The following PTCHD4 variants were observed in gnomAD, a reference collection of about 807,000 sequenced individuals.
PTCHD4 encodes patched domain containing 4.
PTCHD4 carries 33 observed loss-of-function variants against 58.1 expected under a neutral mutation model. The observed-to-expected ratio is 0.57, with a 90% CI of 0.43 to 0.76. The LOEUF (loss-of-function observed/expected upper bound fraction) is 0.76. PTCHD4 is among the 30% of genes least tolerant of loss of function. The pLI is 0.00. For missense variants in PTCHD4, 1,058 were observed against 1,027.1 expected (o/e 1.03, Z -0.41); for synonymous variants, 478 against 409.6 (o/e 1.17, Z -2.02).
At chr6:48,005,599 T>C (rs571285111) in intron 4 of PTCHD4, among the ~76,000 whole-genome samples, 1 of 152,302 alleles carries the variant, frequency 6.6e-6, no homozygotes, top group African/African-American at 2.4e-5. Context: ...CTTTTATGTC[T>C]CACAGCTTTG....
intron 4 of PTCHD4, among the ~76,000 whole-genome samples, chr6:47,913,783 A>G (rs551291980): frequency 6.6e-6 from 1 of 152,276 alleles, no homozygotes; most frequent in African/African-American, 2.4e-5. Context: ...AGAATGCTGG[A>G]GGAGGCTGAT....
In PTCHD4 at chr6:48,069,305, G is replaced by A. The variant is rs1764926437; in HGVS notation, c.-348C>T. On this transcript the variant is annotated 5_prime_UTR_variant, in exon 2 of 5. Transcript: ENST00000339488. ...GAGTGAATTGAAGAGGAAATAAATGGTGAAGGTGCTGCTGGCCCATTGGAG... is the reference window on the plus strand; with the variant it reads ...GAGTGAATTGAAGAGGAAATAAATGATGAAGGTGCTGCTGGCCCATTGGAG... Among the ~76,000 whole-genome samples, 1 of 152,084 alleles carries A rather than the reference G, an allele frequency of 6.6e-6. No individual in the cohort carries two copies. The highest frequency in any genetic ancestry group is 2.4e-5 in the African/African-American group (1 of 41,410).
chr6:47,943,930 A>C (rs964764261), intron 4 of PTCHD4, among the ~76,000 whole-genome samples: 5 of 152,010 alleles, frequency 3.3e-5, no homozygotes, highest in Non-Finnish European at 7.4e-5. Context: ...TTTTCTATAA[A>C]TTTCTTTTTA....
chr6:48,000,681 C>T (rs933306676), intron 4 of PTCHD4, among the ~76,000 whole-genome samples: 6 of 152,110 alleles, frequency 3.9e-5, no homozygotes, highest in East Asian at 1.9e-4. Context: ...TGCTCTCATC[C>T]CCATATGCAC....
In PTCHD4 at chr6:47,868,576, A is replaced by C. The variant is rs188527724; in HGVS notation, c.*9727T>G. Among the ~76,000 whole-genome samples, 123 of 151,960 alleles carry C rather than the reference A, an allele frequency of 8.1e-4. No homozygotes were observed. Among genetic ancestry groups the C allele is most frequent in the African/African-American group, 2.8e-3 (116 of 41,540 alleles). On this transcript the variant is annotated 3_prime_UTR_variant, in exon 5 of 5. Coordinates refer to ENST00000339488, the MANE Select transcript of PTCHD4 (RefSeq NM_001384253.1). ...GCAAAGCAGACATTGTGTGCTTCATAGTTTGGCATGTCAGTTGCCATTTTT... is the reference window on the plus strand; with the variant it reads ...GCAAAGCAGACATTGTGTGCTTCATCGTTTGGCATGTCAGTTGCCATTTTT...
At chr6:47,973,150 CACAA>C (rs767127153) in intron 4 of PTCHD4, among the ~76,000 whole-genome samples, 77 of 152,200 alleles carry the variant, frequency 5.1e-4, no homozygotes, top group Non-Finnish European at 9.0e-4. Context: ...TTGAAAGAGA[CACAA>C]ACAGAATGGC....
intron 3 of PTCHD4, among the ~76,000 whole-genome samples, chr6:48,016,057 C>A (rs1186855782): frequency 6.6e-6 from 1 of 151,982 alleles, no homozygotes; most frequent in African/African-American, 2.4e-5. Context: ...CTTTCTCAGT[C>A]TGCTTATTCT....
At chr6:47,993,665 T>C (rs1768364933) in intron 4 of PTCHD4, among the ~76,000 whole-genome samples, 1 of 152,154 alleles carries the variant, frequency 6.6e-6, no homozygotes, top group African/African-American at 2.4e-5. Context: ...AGAATCCATT[T>C]CCTTTGAACA....
rs983903621 is a variant in PTCHD4, at chr6:47,861,945, C to T, written c.*16358G>A. 4.0e-5 allele frequency among the ~76,000 whole-genome samples: 6 copies of T among 151,718 alleles called. No individual in the cohort carries two copies. The highest frequency in any genetic ancestry group is 9.7e-5 in the African/African-American group (4 of 41,372). ...TTTTCCTAGTTCCTAGGTAACTGTC[C>T]ATATTTCCTGTTATCGAAAAAGTTC... On this transcript the variant is annotated 3_prime_UTR_variant, in exon 5 of 5. Coordinates refer to ENST00000339488, the MANE Select transcript of PTCHD4 (RefSeq NM_001384253.1).
rs1764936090 is a variant in PTCHD4, at chr6:48,069,654, A to G, written c.-697T>C. Among the ~76,000 whole-genome samples the G allele has an allele frequency of 6.7e-6, 1 of 150,044 alleles. No homozygotes were observed. Among genetic ancestry groups the G allele is most frequent in the Admixed American group, 6.7e-5 (1 of 14,924 alleles). On this transcript the variant is annotated 5_prime_UTR_variant, in exon 2 of 5. Coordinates refer to ENST00000339488, the MANE Select transcript of PTCHD4 (RefSeq NM_001384253.1). Reference sequence around the variant, plus strand: ...TGGAGAGGAGGCATTTGCCAATAGCAGTAGCCTGTGTGCGTGTGCGTGTGC... The same window carrying G: ...TGGAGAGGAGGCATTTGCCAATAGCGGTAGCCTGTGTGCGTGTGCGTGTGC...
At chr6:47,898,153 C>T (rs1693793084) in intron 4 of PTCHD4, among the ~76,000 whole-genome samples, 1 of 151,808 alleles carries the variant, frequency 6.6e-6, no homozygotes, top group Non-Finnish European at 1.5e-5. Flanking sequence ...ACCGTGTTAG[C>T]CAGGATGGTC....
intron 4 of PTCHD4, among the ~76,000 whole-genome samples, chr6:47,941,241 G>A (rs1396621340): frequency 6.6e-6 from 1 of 152,170 alleles, no homozygotes; most frequent in Non-Finnish European, 1.5e-5. Context: ...AGACATACTT[G>A]TGTTCTTCCA....
At chr6:48,085,375 A>G (rs894654822) in intron 1 of PTCHD4, among the ~76,000 whole-genome samples, 1 of 152,178 alleles carries the variant, frequency 6.6e-6, no homozygotes, top group Non-Finnish European at 1.5e-5. Flanking sequence ...GGCTTTTTTT[A>G]GAACATTCTC....
intron 3 of PTCHD4, among the ~76,000 whole-genome samples, chr6:48,023,814 G>T (rs1381139418): frequency 6.6e-6 from 1 of 152,116 alleles, no homozygotes; most frequent in Non-Finnish European, 1.5e-5. Context: ...CTTACAAGGT[G>T]TTAAGAAATA....
rs571025192 is a variant in PTCHD4 at position 47,960,687 on chromosome 6, C to T, written c.898+47947G>A. 6.6e-5 allele frequency among the ~76,000 whole-genome samples: 10 copies of T among 151,604 alleles called. No individual in the cohort carries two copies. In the East Asian group the frequency reaches 1.9e-3, roughly 29 times the overall value. On this transcript the variant is annotated intron_variant, in intron 4 of 4. Transcript: ENST00000339488. ...TAATCCTCCTAATAATAACTAGATCCTAATGAAACATTAGAAGGACTAGTA... is the reference window on the plus strand; with the variant it reads ...TAATCCTCCTAATAATAACTAGATCTTAATGAAACATTAGAAGGACTAGTA...
chr6:47,928,152 C>T (rs1423778295), intron 4 of PTCHD4, among the ~76,000 whole-genome samples: 1 of 152,126 alleles, frequency 6.6e-6, no homozygotes, highest in Non-Finnish European at 1.5e-5. Context: ...TTTCCAAGCT[C>T]ACACCTCCTT....
At chr6:48,095,137 AC>A (rs1477270441) in intron 1 of PTCHD4, among the ~76,000 whole-genome samples, 1 of 152,230 alleles carries the variant, frequency 6.6e-6, no homozygotes, top group Non-Finnish European at 1.5e-5. Flanking sequence ...GTCAAAACTT[AC>A]CAAATTGTGT....
At chr6:47,951,433 C>A (rs1303636665) in intron 4 of PTCHD4, among the ~76,000 whole-genome samples, 2 of 152,116 alleles carry the variant, frequency 1.3e-5, no homozygotes, top group Non-Finnish European at 2.9e-5. Flanking sequence ...TAGTGCTGGG[C>A]ACTATCTAGG....
rs184996309 is a variant in PTCHD4 at position 47,874,564 on chromosome 6, A to G, written c.*3739T>C. ...CTAGAAGGATTAGCTTATTACGGGG[A>G]AATGTGATAGATAATTACAAAATGG... On this transcript the variant is annotated 3_prime_UTR_variant, in exon 5 of 5. Transcript: ENST00000339488. 6.6e-6 allele frequency among the ~76,000 whole-genome samples: 1 copy of G among 151,938 alleles called. No individual in the cohort carries two copies. The highest frequency in any genetic ancestry group is 2.4e-5 in the African/African-American group (1 of 41,518).
Sources: allele counts gnomAD v4.1 joint callset (sites outside exome capture counted in the v4.1 genomes callset), GRCh38; gene constraint gnomAD v4.1.1; transcripts MANE v1.5; gene names NCBI Gene and HGNC (gene_info 2026-07-23, HGNC 2026-07-21).